Variants in CALCOCO2 observed in about 807,000 individuals in gnomAD.
CALCOCO2 encodes the protein calcium-binding and coiled-coil domain-containing protein 2.
A neutral mutation model predicts 62.5 loss-of-function variants in CALCOCO2; 42 were observed. The ratio of observed to expected loss-of-function variants is 0.67; its 90% CI spans 0.53 to 0.87. The LOEUF is 0.87. CALCOCO2 is among the 40% of genes least tolerant of loss of function. The pLI, the probability that CALCOCO2 is intolerant of heterozygous loss-of-function variation, is 0.00. For synonymous variants in CALCOCO2, 167 were observed against 173.0 expected, an observed-to-expected ratio of 0.97 and a Z score of 0.27; for missense variants, 456 against 515.0, an observed-to-expected ratio of 0.89 and a Z score of 1.11.
intron 10 of CALCOCO2, among the ~76,000 whole-genome samples, chr17:48,858,174 A>T (rs1162752623): frequency 6.6e-6 from 1 of 151,826 alleles, no homozygotes; most frequent in East Asian, 1.9e-4. Flanking sequence ...TTGCAACATT[A>T]AAACTTCATA....
chr17:48,844,178 C>T lies in CALCOCO2; in HGVS notation c.180+2291C>T, dbSNP rs573355692. 1.2e-4 allele frequency among the ~76,000 whole-genome samples: 19 copies of T among 152,116 alleles called. No homozygotes were observed. In the East Asian group the frequency reaches 1.9e-3, roughly 16 times the overall value. On this transcript the variant is annotated intron_variant, in intron 2 of 12. Coordinates refer to ENST00000258947, the MANE Select transcript of CALCOCO2 (RefSeq NM_005831.5). ...GATTACAGGTGTGAGCCACCGCACCCGGCCTGAGTAACTGGATTTTAAATT... is the reference window on the plus strand; with the variant it reads ...GATTACAGGTGTGAGCCACCGCACCTGGCCTGAGTAACTGGATTTTAAATT...
intron 10 of CALCOCO2, among the ~76,000 whole-genome samples, chr17:48,858,554 T>G (rs2040277240): frequency 6.6e-6 from 1 of 152,014 alleles, no homozygotes; most frequent in African/African-American, 2.4e-5. Context: ...GGTGTTGAAC[T>G]CCTGGGCTCA....
intron 2 of CALCOCO2, chr17:48,846,024 G>A (rs1347122608): frequency 1.4e-6 from 2 of 1,383,132 alleles, no homozygotes; most frequent in South Asian, 1.3e-5. Context: ...TCTCCCCAGT[G>A]TTCTTTCAGT....
intron 4 of CALCOCO2, 64 bp from the exon 5 acceptor site, chr17:48,849,188 C>T (rs2040092610): frequency 6.5e-7 from 1 of 1,543,264 alleles, no homozygotes; most frequent in African/African-American, 1.4e-5. Context: ...CCTCACCATC[C>T]TAACCTATGG....
chr17:48,861,138 C>T (rs1392547734), intron 11 of CALCOCO2, among the ~76,000 whole-genome samples: 2 of 152,062 alleles, frequency 1.3e-5, no homozygotes, highest in Middle Eastern at 3.2e-3. Flanking sequence ...GAGGCCGAGG[C>T]GGGCAGATCA....
chr17:48,847,255 A>G (rs1472944693), intron 2 of CALCOCO2, among the ~76,000 whole-genome samples: 2 of 152,148 alleles, frequency 1.3e-5, no homozygotes, highest in Admixed American at 6.6e-5. Context: ...TTAATGCAGT[A>G]GTATATCCAG....
intron 2 of CALCOCO2, among the ~76,000 whole-genome samples, chr17:48,845,728 CAAAA>C (rs534937285): frequency 1.9e-5 from 2 of 107,894 alleles, no homozygotes; most frequent in Non-Finnish European, 3.7e-5. Context: ...GACTCCATCT[CAAAA>C]AAAAAAAAAA....
chr17:48,837,335 AT>A (rs1207292532), intron 1 of CALCOCO2, among the ~76,000 whole-genome samples: 1 of 152,134 alleles, frequency 6.6e-6, no homozygotes, highest in East Asian at 1.9e-4. Flanking sequence ...GAATGTGAAC[AT>A]TCCCCCACCG....
intron 1 of CALCOCO2, chr17:48,839,345 T>C: frequency 8.7e-6 from 1 of 114,608 alleles, no homozygotes; most frequent in Non-Finnish European, 1.9e-5. Flanking sequence ...GACTCCAAAA[T>C]GGTTTCTCTT....
intron 2 of CALCOCO2, 64 bp downstream of exon 2, chr17:48,841,951 G>A: frequency 8.8e-7 from 1 of 1,142,848 alleles, no homozygotes; most frequent in Non-Finnish European, 1.3e-6. Context: ...ACCTAACTGT[G>A]TGACTCTCTG....
intron 10 of CALCOCO2, chr17:48,856,441 C>G (rs1309331645): frequency 4.2e-6 from 2 of 475,654 alleles, no homozygotes; most frequent in Admixed American, 5.3e-5. Context: ...GAAGACCTAA[C>G]TTATTTTTGC....
chr17:48,838,284 A>C (rs956499835), intron 1 of CALCOCO2, among the ~76,000 whole-genome samples: 2 of 152,202 alleles, frequency 1.3e-5, no homozygotes, highest in Non-Finnish European at 1.5e-5. Context: ...TAATCTATAG[A>C]TAACATAACC....
At position 48,843,145 on chromosome 17, in the gene CALCOCO2, G is replaced by A. The variant is rs750815177; in HGVS notation, c.180+1258G>A. Among the ~76,000 whole-genome samples, 15 of 152,142 alleles carry A rather than the reference G, an allele frequency of 9.9e-5. 1 individual carries two copies. Among genetic ancestry groups the A allele is most frequent in the Non-Finnish European group, 1.9e-4 (13 of 68,028 alleles). ...TTATAATGATTTCCAAGGACTGAAA[G>A]TTTATGAGCTCTCTTAGTGACCTCT... On this transcript the variant is annotated intron_variant, in intron 2 of 12. Transcript: ENST00000258947.
intron 7 of CALCOCO2, 134 bp from the exon 8 acceptor site, chr17:48,852,372 G>A: frequency 1.4e-6 from 1 of 704,616 alleles, no homozygotes. Context: ...AGAGTGATTT[G>A]TCTAATTTTA....
intron 11 of CALCOCO2, 58 bp from the exon 12 acceptor site, chr17:48,862,218 T>C: frequency 9.0e-7 from 1 of 1,105,456 alleles, no homozygotes; most frequent in Non-Finnish European, 1.4e-6. Context: ...CAGAACACAG[T>C]TGGAGAAGCT....
rs1417081531 is a variant in CALCOCO2, at chr17:48,864,643, G to T, written c.*1638G>T. ...TAAGGGTTGAGCCAACTATAGCTCTGTGTTCCTACTGGGCTTTCCCTAATG... is the reference window on the plus strand; with the variant it reads ...TAAGGGTTGAGCCAACTATAGCTCTTTGTTCCTACTGGGCTTTCCCTAATG... On this transcript the variant is annotated 3_prime_UTR_variant, in exon 13 of 13. Transcript: ENST00000258947. 2 of 152,434 alleles carry T rather than the reference G, an allele frequency of 1.3e-5. No homozygotes were observed. Among genetic ancestry groups the T allele is most frequent in the African/African-American group, 4.8e-5 (2 of 41,458 alleles). 9.4% of individuals were successfully genotyped at this position (152,434 alleles called of 1,614,324 possible). A position where few individuals can be genotyped will look rare whatever the true frequency, so the allele number is the denominator to read the frequency against.
intron 5 of CALCOCO2, among the ~76,000 whole-genome samples, chr17:48,849,631 G>A (rs939160798): frequency 4.0e-5 from 6 of 151,838 alleles, no homozygotes; most frequent in South Asian, 2.1e-4. Flanking sequence ...TCAGCCTCCC[G>A]AGTAGCTGGG....
chr17:48,862,158 C>CAG (rs1488651462), intron 11 of CALCOCO2, 118 bp from the exon 12 acceptor site: 8 of 768,914 alleles, frequency 1.0e-5, no homozygotes, highest in Non-Finnish European at 1.9e-5. Flanking sequence ...GAGAAAGAAT[C>CAG]AGAGGCATTG....
chr17:48,835,518 G>A (rs1409277361), intron 1 of CALCOCO2, among the ~76,000 whole-genome samples: 1 of 152,146 alleles, frequency 6.6e-6, no homozygotes, highest in Admixed American at 6.6e-5. Flanking sequence ...GAAACTCCAT[G>A]GGGTCTTTTG....
Sources: allele counts gnomAD v4.1 joint callset (sites outside exome capture counted in the v4.1 genomes callset), GRCh38; gene constraint gnomAD v4.1.1; transcripts MANE v1.5; gene names NCBI Gene and HGNC (gene_info 2026-07-23, HGNC 2026-07-21).